The following TMEM41B variants were observed in gnomAD, a reference collection of about 807,000 sequenced individuals.
TMEM41B encodes the protein transmembrane protein 41B.
TMEM41B carries 18 observed loss-of-function variants against 31.9 expected under a neutral mutation model. That is an observed-to-expected ratio of 0.56 (90% CI 0.39 to 0.84). The LOEUF (loss-of-function observed/expected upper bound fraction) is 0.84. TMEM41B is among the 40% of genes least tolerant of loss of function. TMEM41B has a pLI of 0.00. For missense variants in TMEM41B, 322 were observed against 348.0 expected, an observed-to-expected ratio of 0.93 and a Z score of 0.59; for synonymous variants, 144 against 124.3, an observed-to-expected ratio of 1.16 and a Z score of -1.05.
intron 3 of TMEM41B, among the ~76,000 whole-genome samples, chr11:9,291,006 C>T (rs1047141043): frequency 6.6e-6 from 1 of 152,008 alleles, no homozygotes; most frequent in Non-Finnish European, 1.5e-5. Flanking sequence ...ATGCCAGGTA[C>T]TCAGGAGGCT....
chr11:9,306,727 G>A (rs2133645959), intron 1 of TMEM41B, among the ~76,000 whole-genome samples: 1 of 151,558 alleles, frequency 6.6e-6, no homozygotes, highest in Middle Eastern at 3.5e-3. Context: ...TGGCCTACAA[G>A]ACGTTCAACA....
intron 4 of TMEM41B, 152 bp from the exon 5 acceptor site, chr11:9,287,958 C>G: frequency 1.6e-6 from 1 of 638,476 alleles, no homozygotes; most frequent in East Asian, 2.9e-5. Flanking sequence ...TGATCTAGTA[C>G]TTTCTCAGAC....
intron 1 of TMEM41B, among the ~76,000 whole-genome samples, chr11:9,304,435 C>T (rs1175041841): frequency 2.6e-5 from 4 of 151,964 alleles, no homozygotes; most frequent in South Asian, 2.1e-4. Context: ...GAATAAAAAA[C>T]GTTGTTTTGG....
rs375402032 is a variant in TMEM41B, at chr11:9,287,738, T to C, written c.531A>G (p.Lys177=). 5 of 1,613,342 alleles carry C rather than the reference T, an allele frequency of 3.1e-6. No homozygotes were observed. The highest frequency in any genetic ancestry group is 4.2e-6 in the Non-Finnish European group (5 of 1,179,806). Residue 177 remains lysine, a synonymous_variant, in exon 5 of 7, where the codon AAA becomes AAG. Transcript: ENST00000528080. The part of the protein sequence containing the change: ...SYLVGRPVVY[K]YLTEKAVKWS... ...ATTTTACTGCTTTCTCTGTTAGGTATTTGTATACAACTGGTCTCCCAACTA... is the reference window on the plus strand; with the variant it reads ...ATTTTACTGCTTTCTCTGTTAGGTACTTGTATACAACTGGTCTCCCAACTA...
At chr11:9,293,677 G>A (rs1313128759) in intron 3 of TMEM41B, among the ~76,000 whole-genome samples, 1 of 152,028 alleles carries the variant, frequency 6.6e-6, no homozygotes, top group Non-Finnish European at 1.5e-5. Context: ...CACCTCCTGG[G>A]TTCAGGTGAT....
Position 9,286,600 on chromosome 11 carries a change from T to C in TMEM41B, c.568-7A>G, listed in dbSNP as rs1554942401. On this transcript the variant is annotated splice_polypyrimidine_tract_variant and splice_region_variant and intron_variant, in intron 5 of 6. Coordinates refer to ENST00000528080, the MANE Select transcript of TMEM41B (RefSeq NM_015012.4). ...GTTCTCTATGACGTTCAACCTGTCA[T>C]AAGAAAGAAAAGAATTAGCATCAGA... 1.3e-6 allele frequency: 2 copies of C among 1,587,708 alleles called. No homozygotes were observed. Among genetic ancestry groups the C allele is most frequent in the Non-Finnish European group, 1.7e-6 (2 of 1,170,652 alleles).
chr11:9,301,773 G>A (rs1254605936), intron 1 of TMEM41B, among the ~76,000 whole-genome samples: 2 of 152,152 alleles, frequency 1.3e-5, no homozygotes, highest in South Asian at 2.1e-4. Context: ...GTTGTCAAGC[G>A]ATAGTGGGAC....
chr11:9,283,787 A>AT (rs373365005), intron 6 of TMEM41B, among the ~76,000 whole-genome samples, 194 bp from the exon 7 acceptor site: 20,607 of 146,196 alleles, frequency 0.14, 1,774 homozygotes, highest in Non-Finnish European at 0.2. Context: ...AAGGATAATG[A>AT]TTTTTTTTTT....
At position 9,281,153 on chromosome 11, in the gene TMEM41B, A is replaced by G. The variant is rs1307624773; in HGVS notation, c.*2271T>C. The G allele has an allele frequency of 1.3e-5, 2 of 152,196 alleles. No individual in the cohort carries two copies. The highest frequency in any genetic ancestry group is 2.9e-5 in the Non-Finnish European group (2 of 68,032). The allele number at this position is 152,196 out of a possible 1,614,324, so 9.4% of individuals were successfully genotyped here. A position where few individuals can be genotyped will look rare whatever the true frequency, so the allele number is the denominator to read the frequency against. ...TTTACACACGCTGGAGTAAATAGTG[A>G]AGCTTCTACTGAGTTCTACTGAGTC... is the stretch of plus-strand genomic sequence containing the variant. On this transcript the variant is annotated 3_prime_UTR_variant, in exon 7 of 7. Transcript: ENST00000528080.
intron 1 of TMEM41B, among the ~76,000 whole-genome samples, chr11:9,313,598 CGT>C (rs942310732): frequency 9.2e-5 from 14 of 152,226 alleles, no homozygotes; most frequent in Admixed American, 2.0e-4. Context: ...AAAATAAAGC[CGT>C]GAGAAATGTC....
At chr11:9,283,724 A>T (rs529646444) in intron 6 of TMEM41B, 131 bp from the exon 7 acceptor site, 56 of 732,342 alleles carry the variant, frequency 7.6e-5, no homozygotes, top group African/African-American at 4.8e-4. Flanking sequence ...TTAAGAATTT[A>T]AAGCTCAAGT....
chr11:9,305,321 A>G (rs1053172074), intron 1 of TMEM41B, among the ~76,000 whole-genome samples: 1 of 152,080 alleles, frequency 6.6e-6, no homozygotes, highest in Non-Finnish European at 1.5e-5. Flanking sequence ...ATTATAGGCC[A>G]GGTGTCGTGG....
chr11:9,311,717 C>T (rs1241532363), intron 1 of TMEM41B: 16 of 739,812 alleles, frequency 2.2e-5, no homozygotes, highest in South Asian at 1.9e-4. Flanking sequence ...AGCCTTTCCA[C>T]TGCTGCCTGG....
chr11:9,294,805 GA>G (rs1253887429), intron 3 of TMEM41B, among the ~76,000 whole-genome samples: 1 of 151,388 alleles, frequency 6.6e-6, no homozygotes, highest in Non-Finnish European at 1.5e-5. Context: ...AACAATGCAA[GA>G]AAAAAACATG....
chr11:9,299,525 A>T, intron 2 of TMEM41B, 59 bp downstream of exon 2: 3 of 1,216,622 alleles, frequency 2.5e-6, no homozygotes, highest in Non-Finnish European at 3.6e-6. Context: ...ACTTGGCCTT[A>T]ATCCACTTTC....
chr11:9,283,564 T>C lies in TMEM41B; in HGVS notation c.736A>G (p.Lys246Glu). Residue 246 changes from lysine to glutamate, a missense_variant, in exon 7 of 7, where the codon AAG (lysine) becomes GAG (glutamate). Coordinates refer to ENST00000528080, the MANE Select transcript of TMEM41B (RefSeq NM_015012.4). ...GVAPPSFVAI[K>E]AGTTLYQLTT... Reference sequence around the variant, plus strand: ...AGTTGATACAGTGTTGTTCCTGCCTTAATGGCTACAAAAGAAGGAGGTGCG... The same window carrying C: ...AGTTGATACAGTGTTGTTCCTGCCTCAATGGCTACAAAAGAAGGAGGTGCG... 1 of 1,608,160 alleles carries C rather than the reference T, an allele frequency of 6.2e-7. No homozygotes were observed. The highest frequency in any genetic ancestry group is 8.5e-7 in the Non-Finnish European group (1 of 1,178,626).
At chr11:9,295,679 C>T (rs1396331500) in intron 2 of TMEM41B, among the ~76,000 whole-genome samples, 3 of 151,950 alleles carry the variant, frequency 2.0e-5, no homozygotes, top group Non-Finnish European at 4.4e-5. Context: ...GGATCACAGG[C>T]GTGCACCACC....
chr11:9,287,917 G>T, intron 4 of TMEM41B, 111 bp from the exon 5 acceptor site: 1 of 784,686 alleles, frequency 1.3e-6, no homozygotes, highest in Non-Finnish European at 2.1e-6. Context: ...AGGTGGGGAG[G>T]GTACTCTGCA....
chr11:9,288,404 G>GT (rs376105134), intron 4 of TMEM41B, 38 bp downstream of exon 4: 23 of 1,393,916 alleles, frequency 1.7e-5, no homozygotes, highest in Non-Finnish European at 2.3e-5. Context: ...TCATTCTATT[G>GT]TTTTTTCAGT....
Sources: allele counts gnomAD v4.1 joint callset (sites outside exome capture counted in the v4.1 genomes callset), GRCh38; gene constraint gnomAD v4.1.1; transcripts MANE v1.5; gene names NCBI Gene and HGNC (gene_info 2026-07-23, HGNC 2026-07-21).